The following PPARGC1A variants were observed in gnomAD, a reference collection of about 807,000 sequenced individuals.
PPARGC1A encodes the protein peroxisome proliferator-activated receptor gamma coactivator 1-alpha.
A neutral mutation model predicts 88.7 loss-of-function variants in PPARGC1A; 25 were observed. That is an observed-to-expected ratio of 0.28 (90% confidence interval 0.21 to 0.39). The LOEUF (loss-of-function observed/expected upper bound fraction) is 0.39, where lower values mean the gene tolerates loss of function less well. PPARGC1A is among the 10% of genes least tolerant of loss of function. The probability of loss-of-function intolerance (pLI) is 1.00; values close to 1 mark genes in which losing one functional copy is unlikely to be tolerated. For synonymous variants in PPARGC1A, 363 were observed against 355.6 expected (o/e 1.02, Z -0.24); for missense variants, 880 against 968.7 (o/e 0.91, Z 1.22).
chr4:24,176,645 A>T, the PPARGC1A span, among the ~76,000 whole-genome samples: 1 of 152,174 alleles, frequency 6.6e-6, no homozygotes, highest in African/African-American at 2.4e-5. Flanking sequence ...CATGGGGAAG[A>T]GCTATCACTT....
At chr4:24,284,362 C>T in the PPARGC1A span, among the ~76,000 whole-genome samples, 1 of 152,174 alleles carries the variant, frequency 6.6e-6, no homozygotes, top group Non-Finnish European at 1.5e-5. Context: ...AAAGTCATGA[C>T]TATTGAGTGG....
At chr4:24,344,733 G>T in the PPARGC1A span, among the ~76,000 whole-genome samples, 1 of 151,722 alleles carries the variant, frequency 6.6e-6, no homozygotes, top group East Asian at 1.9e-4. Context: ...TCTTCCTTTT[G>T]CCATGCAAAA....
chr4:24,310,665 T>C, the PPARGC1A span, among the ~76,000 whole-genome samples: 9 of 152,202 alleles, frequency 5.9e-5, no homozygotes, highest in African/African-American at 1.9e-4. Flanking sequence ...ACTGAGTTAA[T>C]TGCCCACTAA....
At chr4:23,930,156 T>A in the PPARGC1A span, among the ~76,000 whole-genome samples, 54,703 of 151,974 alleles carry the variant, frequency 0.36, 10,405 homozygotes, top group Non-Finnish European at 0.44. Context: ...CCAAATCAGG[T>A]TTGAAATTCC....
the PPARGC1A span, among the ~76,000 whole-genome samples, chr4:24,317,953 G>C: frequency 6.6e-6 from 1 of 152,174 alleles, no homozygotes. Flanking sequence ...AGGCTATTAA[G>C]GCCAGGCAGG....
the PPARGC1A span, among the ~76,000 whole-genome samples, chr4:24,399,702 G>A: frequency 6.6e-6 from 1 of 151,856 alleles, no homozygotes; most frequent in Non-Finnish European, 1.5e-5. Context: ...ACAATATTTT[G>A]GAAATGGGTA....
At chr4:24,013,539 T>C in the PPARGC1A span, among the ~76,000 whole-genome samples, 35 of 152,220 alleles carry the variant, frequency 2.3e-4, 1 homozygote, top group South Asian at 5.4e-3. Flanking sequence ...CCCTGAGGCA[T>C]GGTTTATCTT....
the PPARGC1A span, among the ~76,000 whole-genome samples, chr4:24,188,387 G>C: frequency 6.6e-6 from 1 of 152,130 alleles, no homozygotes; most frequent in Non-Finnish European, 1.5e-5. Context: ...TGAGTCTGGA[G>C]ATCAGGCAAA....
At chr4:24,322,733 T>C in the PPARGC1A span, among the ~76,000 whole-genome samples, 1 of 152,200 alleles carries the variant, frequency 6.6e-6, no homozygotes, top group Admixed American at 6.5e-5. Flanking sequence ...GAAATCAGCA[T>C]GCACTATGAC....
the PPARGC1A span, among the ~76,000 whole-genome samples, chr4:24,301,558 T>C: frequency 6.4e-3 from 967 of 151,652 alleles, 6 homozygotes; most frequent in Middle Eastern, 0.02. Flanking sequence ...CAGAATATTC[T>C]TTGAGGGTCA....
the PPARGC1A span, among the ~76,000 whole-genome samples, chr4:24,317,587 A>AAAAAAAAAAAAAAAAAAC: frequency 7.2e-6 from 1 of 139,756 alleles, no homozygotes; most frequent in Non-Finnish European, 1.5e-5. Flanking sequence ...AAAAAAAAAA[A>AAAAAAAAAAAAAAAAAAC]AAAAAAAAAC....
At chr4:24,202,444 T>G in the PPARGC1A span, among the ~76,000 whole-genome samples, 1 of 152,112 alleles carries the variant, frequency 6.6e-6, no homozygotes, top group African/African-American at 2.4e-5. Context: ...GAGATGTTCA[T>G]GAATTCAGTG....
At chr4:24,324,906 A>G in the PPARGC1A span, among the ~76,000 whole-genome samples, 6 of 151,868 alleles carry the variant, frequency 4.0e-5, no homozygotes, top group Non-Finnish European at 5.9e-5. Flanking sequence ...TCGCCAGCCC[A>G]AGCTAGGTCC....
chr4:23,828,286 C>A, intron 5 of PPARGC1A, 114 bp downstream of exon 5: 1 of 1,114,588 alleles, frequency 9.0e-7, no homozygotes, highest in East Asian at 2.4e-5. Context: ...ATTCTCTTTC[C>A]ACAGAGTGAC....
the PPARGC1A span, among the ~76,000 whole-genome samples, chr4:24,237,570 T>C: frequency 6.6e-6 from 1 of 152,186 alleles, no homozygotes; most frequent in African/African-American, 2.4e-5. Flanking sequence ...ATACCCGTAA[T>C]GGCCAATTTA....
upstream of PPARGC1A, among the ~76,000 whole-genome samples, chr4:23,893,834 A>G (rs1197885410): frequency 6.6e-6 from 1 of 152,200 alleles, no homozygotes; most frequent in Non-Finnish European, 1.5e-5. Context: ...ATATGTATGC[A>G]GAAACTTCTC....
chr4:23,984,960 C>T, the PPARGC1A span, among the ~76,000 whole-genome samples: 181 of 152,108 alleles, frequency 1.2e-3, 2 homozygotes, highest in African/African-American at 3.9e-3. Flanking sequence ...AGTTGTCGGA[C>T]GAACCCACTA....
the PPARGC1A span, among the ~76,000 whole-genome samples, chr4:24,337,196 T>G: frequency 6.6e-6 from 1 of 152,170 alleles, no homozygotes; most frequent in Admixed American, 6.5e-5. Flanking sequence ...AGGCAAAAAA[T>G]TGGGAGCCCA....
At chr4:24,466,647 T>G in the PPARGC1A span, among the ~76,000 whole-genome samples, 1 of 152,108 alleles carries the variant, frequency 6.6e-6, no homozygotes, top group African/African-American at 2.4e-5. Flanking sequence ...TTACCAAGTT[T>G]AAGGTTTACA....
Sources: gnomAD v4.1 joint callset for allele counts (sites outside exome capture counted in the v4.1 genomes callset) on GRCh38, gnomAD v4.1.1 for gene constraint, MANE v1.5 for transcripts, NCBI Gene and HGNC (gene_info 2026-07-23, HGNC 2026-07-21) for gene names.